The following HNF1B variants were observed in gnomAD, a reference collection of about 807,000 sequenced individuals.
HNF1B encodes the protein HNF1 homeobox B, also known as hepatocyte nuclear factor 1-beta.
HNF1B carries 8 observed loss-of-function variants against 61.7 expected under a neutral mutation model. That is an observed-to-expected ratio of 0.13 (90% confidence interval 0.08 to 0.23). The LOEUF (loss-of-function observed/expected upper bound fraction) is 0.23. Ranked by LOEUF, HNF1B falls within the 10% of genes least tolerant of loss-of-function variation. HNF1B has a pLI of 1.00. For synonymous variants in HNF1B, 314 were observed against 287.7 expected (o/e 1.09, Z -0.93); for missense variants, 562 against 714.5 (o/e 0.79, Z 2.43).
At chr17:37,736,941 A>G (rs1451344046) in intron 2 of HNF1B, among the ~76,000 whole-genome samples, 1 of 152,120 alleles carries the variant, frequency 6.6e-6, no homozygotes, top group African/African-American at 2.4e-5. Flanking sequence ...TTCCCTTCAG[A>G]TTAATTGGGG....
At chr17:37,739,305 A>T (rs1046476678) in intron 2 of HNF1B, 135 bp downstream of exon 2, 1 of 834,214 alleles carries the variant, frequency 1.2e-6, no homozygotes, top group Non-Finnish European at 2.1e-6. Flanking sequence ...CCAAGGCCAA[A>T]TCTACTTGCC....
Position 37,686,865 on chromosome 17 carries a change from C to A in HNF1B, c.*507G>T, listed in dbSNP as rs557943869. On this transcript the variant is annotated 3_prime_UTR_variant, in exon 9 of 9. Transcript: ENST00000617811. ...ACAGAGGGGAAATTGCACTTAATTA[C>A]AGTAGTTTATAGTTTACAGCCATTG... 93 of 276,228 alleles carry A rather than the reference C, an allele frequency of 3.4e-4. No individual in the cohort carries two copies. The highest frequency in any genetic ancestry group is 1.9e-3 in the African/African-American group (88 of 45,930). The allele number at this position is 276,228 out of a possible 1,614,324, so 17.1% of individuals were successfully genotyped here. A position where few individuals can be genotyped will look rare whatever the true frequency, so the allele number is the denominator to read the frequency against.
intron 8 of HNF1B, among the ~76,000 whole-genome samples, chr17:37,696,545 C>T (rs1022088998): frequency 3.9e-5 from 6 of 152,196 alleles, no homozygotes; most frequent in Admixed American, 6.5e-5. Context: ...CTGCACCTTC[C>T]GCCATGCTTG....
intron 2 of HNF1B, among the ~76,000 whole-genome samples, chr17:37,738,219 T>C (rs377052213): frequency 2.0e-5 from 3 of 152,248 alleles, no homozygotes; most frequent in East Asian, 3.8e-4. Flanking sequence ...AACCCATTCT[T>C]GGAAAGGTCT....
chr17:37,729,572 C>T (rs760940129), intron 4 of HNF1B: 1 of 152,222 alleles, frequency 6.6e-6, no homozygotes, highest in Non-Finnish European at 1.5e-5. Context: ...ACAAAACCTC[C>T]ATCTGCAGCT....
At chr17:37,734,489 A>G (rs751630141) in intron 2 of HNF1B, among the ~76,000 whole-genome samples, 3 of 152,198 alleles carry the variant, frequency 2.0e-5, no homozygotes, top group East Asian at 1.9e-4. Context: ...TGTCTGTCCA[A>G]TTCCTTGAGT....
chr17:37,710,721 T>A (rs1179262015), intron 4 of HNF1B, 58 bp from the exon 5 acceptor site: 1 of 1,543,464 alleles, frequency 6.5e-7, no homozygotes, highest in East Asian at 2.3e-5. Context: ...CCTGGAACAA[T>A]GACTCGGCAC....
chr17:37,693,154 C>T (rs1353307392), intron 8 of HNF1B, among the ~76,000 whole-genome samples: 1 of 140,854 alleles, frequency 7.1e-6, no homozygotes, highest in Non-Finnish European at 1.5e-5. Context: ...CACACCATTG[C>T]ACTCCAGCCT....
intron 3 of HNF1B, 99 bp from the exon 4 acceptor site, chr17:37,731,929 T>C: frequency 1.2e-6 from 1 of 801,796 alleles, no homozygotes; most frequent in South Asian, 1.5e-5. Flanking sequence ...TGGTTGGGAG[T>C]ATGAAGGGGC....
intron 1 of HNF1B, among the ~76,000 whole-genome samples, chr17:37,743,490 C>T (rs1420265371): frequency 6.6e-6 from 1 of 152,216 alleles, no homozygotes; most frequent in Non-Finnish European, 1.5e-5. Context: ...GCCAGGCCCT[C>T]GGAGCACAAA....
intron 8 of HNF1B, among the ~76,000 whole-genome samples, chr17:37,694,447 C>CCCCCCCCCCCCCCCCCG (rs1568633661): frequency 1.3e-5 from 1 of 78,720 alleles, no homozygotes; most frequent in Non-Finnish European, 3.2e-5. Context: ...CGCCCCCCCC[C>CCCCCCCCCCCCCCCCCG]CCCCCCGCAA....
Position 37,699,020 on chromosome 17 carries a change from A to C in HNF1B, c.1653+56T>G, listed in dbSNP as rs566117236. The C allele has an allele frequency of 4.9e-6, 6 of 1,233,142 alleles. No individual in the cohort carries two copies. In the African/African-American group the frequency reaches 7.6e-5, roughly 16 times the overall value. The allele number at this position is 1,233,142 out of a possible 1,614,324, so 76.4% of individuals were successfully genotyped here. ...TGCTTGCCACAACCTCTGCACATCC[A>C]TGGCCTTATCACACCCTGCCCACAC... On this transcript the variant is annotated intron_variant, in intron 8 of 8. Coordinates refer to ENST00000617811, the MANE Select transcript of HNF1B (RefSeq NM_000458.4).
chr17:37,696,628 C>A (rs1389706069), intron 8 of HNF1B, among the ~76,000 whole-genome samples: 2 of 152,204 alleles, frequency 1.3e-5, no homozygotes, highest in Non-Finnish European at 2.9e-5. Context: ...GAACCATGAG[C>A]CTTTGAACCT....
intron 4 of HNF1B, among the ~76,000 whole-genome samples, chr17:37,724,811 T>C (rs1005522853): frequency 2.0e-5 from 3 of 152,168 alleles, no homozygotes; most frequent in African/African-American, 7.2e-5. Context: ...AGAGAATTTA[T>C]GAATAGCTAG....
intron 8 of HNF1B, among the ~76,000 whole-genome samples, chr17:37,694,529 G>A (rs1368078995): frequency 6.6e-6 from 1 of 150,530 alleles, no homozygotes; most frequent in African/African-American, 2.4e-5. Context: ...GAGTTTGGAG[G>A]AACAGAAGAA....
rs1431050984 is a variant in HNF1B at position 37,731,580 on chromosome 17, C to T, written c.1045+15G>A. 1 of 1,602,400 alleles carries T rather than the reference C, an allele frequency of 6.2e-7. No individual in the cohort carries two copies. Among genetic ancestry groups the T allele is most frequent in the Admixed American group, 1.7e-5 (1 of 58,008 alleles). ...GGTTGGGTTGCCGAGGCAGTGAGGC[C>T]CAACCTTTGCTTACCTGACAGCTTG... is the stretch of plus-strand genomic sequence containing the variant. On this transcript the variant is annotated intron_variant, in intron 4 of 8. Coordinates refer to ENST00000617811, the MANE Select transcript of HNF1B (RefSeq NM_000458.4).
intron 5 of HNF1B, among the ~76,000 whole-genome samples, chr17:37,705,699 T>C (rs1335500981): frequency 6.6e-6 from 1 of 152,178 alleles, no homozygotes; most frequent in Non-Finnish European, 1.5e-5. Flanking sequence ...AAGTATGTAA[T>C]TGTAATACAA....
At chr17:37,723,472 TG>T (rs1388796779) in intron 4 of HNF1B, among the ~76,000 whole-genome samples, 1 of 152,230 alleles carries the variant, frequency 6.6e-6, no homozygotes, top group African/African-American at 2.4e-5. Context: ...CCCTCCCCTC[TG>T]CCCCCACCAA....
chr17:37,731,581 C>T lies in HNF1B; in HGVS notation c.1045+14G>A. 6.2e-7 allele frequency: 1 copy of T among 1,603,284 alleles called. No homozygotes were observed. Among genetic ancestry groups the T allele is most frequent in the Non-Finnish European group, 8.5e-7 (1 of 1,174,072 alleles). On this transcript the variant is annotated intron_variant, in intron 4 of 8. Transcript: ENST00000617811. ...GTTGGGTTGCCGAGGCAGTGAGGCC[C>T]AACCTTTGCTTACCTGACAGCTTGT...
Sources: gnomAD v4.1 joint callset for allele counts (sites outside exome capture counted in the v4.1 genomes callset) on GRCh38, gnomAD v4.1.1 for gene constraint, MANE v1.5 for transcripts, NCBI Gene and HGNC (gene_info 2026-07-23, HGNC 2026-07-21) for gene names.